RSF1: variants seen among roughly 807,000 people sequenced by gnomAD.
RSF1 encodes the protein HBV pX-associated protein 8.
In RSF1, 13 loss-of-function variants were observed where a neutral mutation model predicts 145.2. The ratio of observed to expected loss-of-function variants is 0.09; its 90% CI spans 0.06 to 0.14. The LOEUF is 0.14. RSF1 is among the 10% of genes least tolerant of loss of function. The probability of loss-of-function intolerance (pLI) is 1.00; values close to 1 mark genes in which losing one functional copy is unlikely to be tolerated. For synonymous variants in RSF1, 577 were observed against 592.6 expected, an observed-to-expected ratio of 0.97 and a Z score of 0.38; for missense variants, 1,517 against 1,718.2, an observed-to-expected ratio of 0.88 and a Z score of 2.07.
At chr11:77,796,349 G>A (rs1274006579) in intron 1 of RSF1, among the ~76,000 whole-genome samples, 1 of 152,114 alleles carries the variant, frequency 6.6e-6, no homozygotes, top group Non-Finnish European at 1.5e-5. Context: ...TGCAAGGCTG[G>A]TTCAACATAC....
At position 77,666,229 on chromosome 11, in the gene RSF1, T is replaced by C. The variant is rs192439906; in HGVS notation, c.*688A>G. 156 of 152,436 alleles carry C rather than the reference T, an allele frequency of 1.0e-3. 1 individual carries two copies. The highest frequency in any genetic ancestry group is 3.6e-3 in the African/African-American group (149 of 41,586). The allele number at this position is 152,436 out of a possible 1,614,324, so 9.4% of individuals were successfully genotyped here. ...TTCATTATACATTTTACTGTACAAA[T>C]GCTTTTCAGATGATTTTATTTTTTT... On this transcript the variant is annotated 3_prime_UTR_variant, in exon 16 of 16. Coordinates refer to ENST00000308488, the MANE Select transcript of RSF1 (RefSeq NM_016578.4).
At chr11:77,858,187 A>G in the RSF1 span, among the ~76,000 whole-genome samples, 1 of 118,614 alleles carries the variant, frequency 8.4e-6, no homozygotes, top group East Asian at 2.4e-4. Flanking sequence ...CCTGGCTAAT[A>G]TATATAATTT....
intron 1 of RSF1, among the ~76,000 whole-genome samples, chr11:77,796,910 T>C (rs1345739531): frequency 1.3e-5 from 2 of 152,108 alleles, no homozygotes; most frequent in Non-Finnish European, 2.9e-5. Flanking sequence ...CCATTCAAAA[T>C]TGCTACAAAG....
At chr11:77,749,884 G>C (rs1948042845) in intron 2 of RSF1, among the ~76,000 whole-genome samples, 1 of 152,046 alleles carries the variant, frequency 6.6e-6, no homozygotes, top group Non-Finnish European at 1.5e-5. Context: ...GAGTAGCTGA[G>C]ACTACAGGCG....
At chr11:77,721,947 A>AG (rs1214896810) in intron 5 of RSF1, among the ~76,000 whole-genome samples, 1 of 152,164 alleles carries the variant, frequency 6.6e-6, no homozygotes, top group African/African-American at 2.4e-5. Context: ...CTGAGGCAAG[A>AG]GGATTGCTTG....
At chr11:77,767,722 T>C (rs1948240158) in intron 1 of RSF1, among the ~76,000 whole-genome samples, 1 of 152,200 alleles carries the variant, frequency 6.6e-6, no homozygotes, top group African/African-American at 2.4e-5. Flanking sequence ...AGCAACCTTT[T>C]TGTCCCTGGA....
At chr11:77,710,455 T>G (rs766322908) in intron 5 of RSF1, among the ~76,000 whole-genome samples, 3 of 152,174 alleles carry the variant, frequency 2.0e-5, no homozygotes, top group Non-Finnish European at 4.4e-5. Context: ...ATCCCCTCTA[T>G]CCCTTATTTT....
chr11:77,759,422 C>G (rs948244499), intron 2 of RSF1, among the ~76,000 whole-genome samples: 1 of 152,226 alleles, frequency 6.6e-6, no homozygotes, highest in African/African-American at 2.4e-5. Context: ...CGGCTCACAC[C>G]TGTAATCCCA....
the RSF1 span, among the ~76,000 whole-genome samples, chr11:77,863,690 A>AT: frequency 6.6e-6 from 1 of 152,028 alleles, no homozygotes. Context: ...CACCTGGCTG[A>AT]TTTTTTATGA....
the RSF1 span, among the ~76,000 whole-genome samples, chr11:77,846,081 C>T: frequency 6.6e-6 from 1 of 151,842 alleles, no homozygotes; most frequent in Non-Finnish European, 1.5e-5. Flanking sequence ...CCCTCCCATT[C>T]TGAGGGTTTG....
At chr11:77,790,342 G>A (rs1948504341) in intron 1 of RSF1, among the ~76,000 whole-genome samples, 2 of 152,098 alleles carry the variant, frequency 1.3e-5, no homozygotes, top group Admixed American at 6.5e-5. Flanking sequence ...CATGAGGACA[G>A]CATGAGAAAG....
intron 1 of RSF1, among the ~76,000 whole-genome samples, chr11:77,780,310 C>T (rs1277626352): frequency 6.6e-6 from 1 of 152,084 alleles, no homozygotes; most frequent in African/African-American, 2.4e-5. Context: ...ACTTAAAGAA[C>T]CAAACAGAAA....
At chr11:77,671,124 AAAAAAAAAAAAAAAATAT>A (rs1959517217) in intron 15 of RSF1, among the ~76,000 whole-genome samples, 1 of 55,892 alleles carries the variant, frequency 1.8e-5, no homozygotes. Flanking sequence ...AAAAAAAAAA[AAAAAAAAAAAAAAAATAT>A]ATATATATAT....
At chr11:77,743,695 C>A (rs1947966737) in intron 3 of RSF1, among the ~76,000 whole-genome samples, 1 of 152,130 alleles carries the variant, frequency 6.6e-6, no homozygotes, top group South Asian at 2.1e-4. Context: ...CTTTCCAATT[C>A]AGATGACTTA....
At position 77,725,652 on chromosome 11, in the gene RSF1, A is replaced by G; in HGVS notation, c.626T>C (p.Ile209Thr). 1.9e-6 allele frequency: 3 copies of G among 1,607,504 alleles called. No individual in the cohort carries two copies. Among genetic ancestry groups the G allele is most frequent in the African/African-American group, 1.3e-5 (1 of 74,776 alleles). Residue 209 changes from isoleucine to threonine, a missense_variant, in exon 5 of 16, where the codon ATT becomes ACT. By Grantham distance (89) the Ile-to-Thr change is moderately conservative. Coordinates refer to ENST00000308488, the MANE Select transcript of RSF1 (RefSeq NM_016578.4). ...AETLALLKAQ[I>T]DPVLLKNSSQ... ...AGAGTTTTTCAATAGTACAGGATCAATTTGTGCTTTCAGGAGTGCAAGAGT... is the reference window on the plus strand; with the variant it reads ...AGAGTTTTTCAATAGTACAGGATCAGTTTGTGCTTTCAGGAGTGCAAGAGT...
intron 11 of RSF1, among the ~76,000 whole-genome samples, chr11:77,679,672 CAA>C (rs529571713): frequency 3.9e-4 from 33 of 84,376 alleles, no homozygotes; most frequent in Admixed American, 4.1e-4. Flanking sequence ...GACCCTGTCT[CAA>C]AAAAAAAAAA....
intron 6 of RSF1, among the ~76,000 whole-genome samples, chr11:77,699,249 C>G (rs991869135): frequency 2.6e-5 from 4 of 152,076 alleles, no homozygotes; most frequent in Non-Finnish European, 5.9e-5. Context: ...TAAGCCAGAA[C>G]TGCATATAAA....
At chr11:77,863,194 T>C in the RSF1 span, among the ~76,000 whole-genome samples, 1 of 152,118 alleles carries the variant, frequency 6.6e-6, no homozygotes, top group Non-Finnish European at 1.5e-5. Flanking sequence ...GTGTTCAGCT[T>C]GATTAGGACG....
rs752474632 is a variant in RSF1 at position 77,676,882 on chromosome 11, C to T, written c.3251G>A (p.Arg1084Gln). Residue 1084 changes from arginine to glutamine, a missense_variant, in exon 13 of 16, where the codon CGA (arginine) becomes CAA (glutamine). Coordinates refer to ENST00000308488, the MANE Select transcript of RSF1 (RefSeq NM_016578.4). ...NKRPQRAAAA[R>Q]RKKRRRLNDL... ...ATTTAATCGCCGGCGTTTCTTCCTT[C>T]GAGCAGCAGCTGCCCTCTGGGGTCG... 10 of 1,613,996 alleles carry T rather than the reference C, an allele frequency of 6.2e-6. No individual in the cohort carries two copies. The East Asian group carries it at 6.7e-5, about 11-fold the overall frequency.
Sources: gnomAD v4.1 joint callset for allele counts (sites outside exome capture counted in the v4.1 genomes callset) on GRCh38, gnomAD v4.1.1 for gene constraint, MANE v1.5 for transcripts, NCBI Gene and HGNC (gene_info 2026-07-23, HGNC 2026-07-21) for gene names.